Variants in SLC24A2 observed in about 807,000 individuals in gnomAD.
The protein encoded by SLC24A2 is solute carrier family 24 member 2, also known as sodium/potassium/calcium exchanger 2.
SLC24A2 carries 36 observed loss-of-function variants against 62.0 expected under a neutral mutation model. That is an observed-to-expected ratio of 0.58 (90% CI 0.44 to 0.77). SLC24A2 has a LOEUF of 0.77. SLC24A2 is among the 30% of genes least tolerant of loss of function. The pLI, the probability that SLC24A2 is intolerant of heterozygous loss-of-function variation, is 0.00. For synonymous variants in SLC24A2, 358 were observed against 294.0 expected (o/e 1.22, Z -2.23); for missense variants, 846 against 817.9 (o/e 1.03, Z -0.42).
the SLC24A2 span, among the ~76,000 whole-genome samples, chr9:20,009,042 T>A: frequency 6.6e-6 from 1 of 152,102 alleles, no homozygotes; most frequent in Non-Finnish European, 1.5e-5. Context: ...ATGGTTCTCA[T>A]TGAGCATACT....
At chr9:19,844,862 T>A in the SLC24A2 span, among the ~76,000 whole-genome samples, 2 of 152,090 alleles carry the variant, frequency 1.3e-5, no homozygotes. Context: ...TCTTTTCTGT[T>A]CCATTGGTCT....
chr9:19,707,847 G>A (rs1343412567), intron 2 of SLC24A2, among the ~76,000 whole-genome samples: 1 of 152,136 alleles, frequency 6.6e-6, no homozygotes, highest in Non-Finnish European at 1.5e-5. Context: ...GCTGGCACAA[G>A]ACAGGGATGC....
At chr9:20,199,932 T>C in the SLC24A2 span, among the ~76,000 whole-genome samples, 1 of 149,666 alleles carries the variant, frequency 6.7e-6, no homozygotes, top group East Asian at 2.0e-4. Flanking sequence ...GGTTTCACGA[T>C]GTTGGCCAGG....
chr9:19,694,057 A>G lies in SLC24A2; in HGVS notation c.931-71758T>C, dbSNP rs560020168. On this transcript the variant is annotated intron_variant, in intron 2 of 10. Coordinates refer to ENST00000341998, the MANE Select transcript of SLC24A2 (RefSeq NM_020344.4). ...GACAAAATTAATTAGTTCAACTAAA[A>G]CAGAGTTGCCAATTAAAACATGGTT... 1.2e-3 allele frequency among the ~76,000 whole-genome samples: 189 copies of G among 151,972 alleles called. 2 individuals carry two copies. The highest frequency in any genetic ancestry group is 4.3e-3 in the African/African-American group (178 of 41,368).
chr9:19,549,843 T>A (rs1044607795), intron 8 of SLC24A2, among the ~76,000 whole-genome samples: 9 of 152,250 alleles, frequency 5.9e-5, no homozygotes, highest in African/African-American at 2.2e-4. Flanking sequence ...GATGGTTGTT[T>A]CACACCACTA....
At chr9:20,069,736 A>C in the SLC24A2 span, among the ~76,000 whole-genome samples, 888 of 152,286 alleles carry the variant, frequency 5.8e-3, 14 homozygotes, top group African/African-American at 0.02. Context: ...TGCTGTTCGC[A>C]TTATTTTGCT....
intron 2 of SLC24A2, among the ~76,000 whole-genome samples, chr9:19,720,694 C>CT (rs1256263383): frequency 3.9e-5 from 3 of 76,940 alleles, no homozygotes; most frequent in Non-Finnish European, 5.7e-5. Flanking sequence ...TGACAACCCC[C>CT]CCCCCCAAAA....
At chr9:19,872,482 G>C in the SLC24A2 span, among the ~76,000 whole-genome samples, 1 of 152,124 alleles carries the variant, frequency 6.6e-6, no homozygotes, top group Non-Finnish European at 1.5e-5. Flanking sequence ...ATTTCCTGCT[G>C]TCTGTCTCAG....
the SLC24A2 span, among the ~76,000 whole-genome samples, chr9:19,917,673 C>T: frequency 3.4e-4 from 51 of 152,008 alleles, no homozygotes; most frequent in African/African-American, 1.2e-3. Flanking sequence ...CTACTTAAAA[C>T]GTATTCTAAC....
At chr9:20,292,309 T>G in the SLC24A2 span, among the ~76,000 whole-genome samples, 3 of 152,234 alleles carry the variant, frequency 2.0e-5, no homozygotes, top group Admixed American at 2.0e-4. Flanking sequence ...TGGAAATCTT[T>G]ATTCCACTAA....
chr9:19,645,901 G>A (rs1818626433), intron 2 of SLC24A2, among the ~76,000 whole-genome samples: 1 of 152,210 alleles, frequency 6.6e-6, no homozygotes, highest in Non-Finnish European at 1.5e-5. Context: ...GAAATGCACA[G>A]GGCACTGGAC....
chr9:19,945,367 C>A, the SLC24A2 span, among the ~76,000 whole-genome samples: 1 of 152,006 alleles, frequency 6.6e-6, no homozygotes, highest in Non-Finnish European at 1.5e-5. Context: ...GGGAAGGGCA[C>A]AGCACGCCTG....
the SLC24A2 span, among the ~76,000 whole-genome samples, chr9:20,097,658 T>C: frequency 6.7e-6 from 1 of 150,214 alleles, no homozygotes; most frequent in Non-Finnish European, 1.5e-5. Flanking sequence ...ACAGTCCCAA[T>C]GTGGTTGCTG....
At chr9:20,149,367 A>C in the SLC24A2 span, among the ~76,000 whole-genome samples, 1 of 152,032 alleles carries the variant, frequency 6.6e-6, no homozygotes, top group Non-Finnish European at 1.5e-5. Flanking sequence ...ATTAACCTGA[A>C]TTTGATAAAG....
intron 2 of SLC24A2, among the ~76,000 whole-genome samples, chr9:19,738,274 A>G (rs539112983): frequency 1.3e-5 from 2 of 152,286 alleles, no homozygotes; most frequent in East Asian, 3.9e-4. Context: ...ATAAACTTTC[A>G]TGGCATCTGG....
At chr9:20,185,925 T>C in the SLC24A2 span, among the ~76,000 whole-genome samples, 2 of 152,198 alleles carry the variant, frequency 1.3e-5, no homozygotes, top group Non-Finnish European at 2.9e-5. Flanking sequence ...TCCAGCTGTA[T>C]GCCAGTCCCT....
At chr9:19,960,064 C>T in the SLC24A2 span, among the ~76,000 whole-genome samples, 2 of 152,072 alleles carry the variant, frequency 1.3e-5, no homozygotes, top group East Asian at 1.9e-4. Flanking sequence ...AAAGTGTGTC[C>T]GTTGAGGATA....
the SLC24A2 span, among the ~76,000 whole-genome samples, chr9:20,015,713 G>A: frequency 6.6e-6 from 1 of 152,198 alleles, no homozygotes; most frequent in African/African-American, 2.4e-5. Flanking sequence ...AGATTCAAAG[G>A]AGACAGGAAA....
chr9:20,024,654 G>C, the SLC24A2 span, among the ~76,000 whole-genome samples: 1 of 152,182 alleles, frequency 6.6e-6, no homozygotes, highest in African/African-American at 2.4e-5. Flanking sequence ...TTTAGAAAGA[G>C]TATGAAAATA....
Sources: gnomAD v4.1 joint callset for allele counts (sites outside exome capture counted in the v4.1 genomes callset) on GRCh38, gnomAD v4.1.1 for gene constraint, MANE v1.5 for transcripts, NCBI Gene and HGNC (gene_info 2026-07-23, HGNC 2026-07-21) for gene names.